The following CCDC73 variants were observed in gnomAD, a reference collection of about 807,000 sequenced individuals.
CCDC73 encodes coiled-coil domain-containing protein 73.
In CCDC73, 95 loss-of-function variants were observed where a neutral mutation model predicts 116.5. The observed-to-expected ratio is 0.82, with a 90% CI of 0.69 to 0.97. The LOEUF (loss-of-function observed/expected upper bound fraction) is 0.97, where lower values mean the gene tolerates loss of function less well. CCDC73 is among the 50% of genes least tolerant of loss of function. CCDC73 has a pLI of 0.00. For missense variants in CCDC73, 1,066 were observed against 1,206.8 expected (o/e 0.88, Z 1.73); for synonymous variants, 398 against 401.3 (o/e 0.99, Z 0.10).
intron 2 of CCDC73, among the ~76,000 whole-genome samples, chr11:32,730,074 T>C (rs977378018): frequency 1.3e-5 from 2 of 152,246 alleles, no homozygotes; most frequent in African/African-American, 4.8e-5. Flanking sequence ...ATTTTCATAG[T>C]ATAAATTCCA....
intron 1 of CCDC73, among the ~76,000 whole-genome samples, chr11:32,761,673 C>T (rs34345811): frequency 6.6e-6 from 1 of 152,034 alleles, no homozygotes; most frequent in South Asian, 2.1e-4. Context: ...TCCAGAGAAA[C>T]AGAATAGGAT....
the CCDC73 span, among the ~76,000 whole-genome samples, chr11:32,812,922 C>T: frequency 2.0e-5 from 3 of 152,020 alleles, no homozygotes; most frequent in Admixed American, 6.6e-5. Context: ...AAACCACAGT[C>T]GAATACCTAT....
chr11:32,713,835 G>C (rs1384948365), intron 3 of CCDC73, among the ~76,000 whole-genome samples: 2 of 152,020 alleles, frequency 1.3e-5, no homozygotes, highest in Non-Finnish European at 2.9e-5. Context: ...CTGGTGTACA[G>C]CTGTCATTAG....
At chr11:32,736,996 A>G (rs1035349474) in intron 2 of CCDC73, among the ~76,000 whole-genome samples, 2 of 150,018 alleles carry the variant, frequency 1.3e-5, no homozygotes, top group East Asian at 3.9e-4. Context: ...ATATATGTAT[A>G]TATATATATT....
intron 6 of CCDC73, among the ~76,000 whole-genome samples, chr11:32,695,820 T>A (rs866989140): frequency 3.5e-4 from 52 of 149,762 alleles, no homozygotes; most frequent in African/African-American, 1.3e-3. Flanking sequence ...GCGTTTAAGT[T>A]TTTTTTTTGT....
chr11:32,744,720 A>G (rs570859470), intron 2 of CCDC73, among the ~76,000 whole-genome samples: 40 of 152,176 alleles, frequency 2.6e-4, no homozygotes, highest in African/African-American at 7.5e-4. Context: ...ATTCTCTGAC[A>G]GTAGTTTGTA....
intron 12 of CCDC73, among the ~76,000 whole-genome samples, chr11:32,649,256 T>C (rs1855806032): frequency 6.6e-6 from 1 of 152,224 alleles, no homozygotes; most frequent in Non-Finnish European, 1.5e-5. Flanking sequence ...TTGCTAATGC[T>C]TTAATCTTCC....
At chr11:32,776,648 T>C (rs1590642557) in intron 1 of CCDC73, among the ~76,000 whole-genome samples, 2 of 152,056 alleles carry the variant, frequency 1.3e-5, no homozygotes, top group African/African-American at 4.8e-5. Context: ...CCCTTCCATT[T>C]TCTAAATCCA....
At chr11:32,669,071 C>T (rs1488396536) in intron 9 of CCDC73, among the ~76,000 whole-genome samples, 1 of 151,876 alleles carries the variant, frequency 6.6e-6, no homozygotes, top group African/African-American at 2.4e-5. Flanking sequence ...GAAAAATATT[C>T]AAAAACATGA....
At chr11:32,655,006 T>C (rs748425289) in intron 9 of CCDC73, 34 bp from the exon 10 acceptor site, 6 of 1,552,638 alleles carry the variant, frequency 3.9e-6, no homozygotes, top group Non-Finnish European at 3.5e-6. Context: ...GAAAATTCAG[T>C]ACACATATTT....
At chr11:32,683,259 A>G (rs1856164413) in intron 7 of CCDC73, 3 of 388,612 alleles carry the variant, frequency 7.7e-6, no homozygotes, top group Admixed American at 4.3e-5. Flanking sequence ...TTGACACTCA[A>G]AAAGTTTCCA....
rs200764449 is a variant in CCDC73, at chr11:32,735,038, T to C, written c.136-16891A>G. ...TGTATCTCAAAATAATAAGAGCTAT[T>C]TATGACAAACCCACAGCCAATATCA... On this transcript the variant is annotated intron_variant, in intron 2 of 17. Transcript: ENST00000335185. 1.3e-4 allele frequency among the ~76,000 whole-genome samples: 20 copies of C among 152,282 alleles called. No individual in the cohort carries two copies. The East Asian group carries it at 3.7e-3, about 28-fold the overall frequency.
chr11:32,686,290 G>A (rs968763002), intron 6 of CCDC73, among the ~76,000 whole-genome samples: 1 of 148,002 alleles, frequency 6.8e-6, no homozygotes, highest in Non-Finnish European at 1.5e-5. Flanking sequence ...AAATAAGCCA[G>A]TTTTCAGGAG....
At chr11:32,743,531 A>AGTG (rs71063754) in intron 2 of CCDC73, among the ~76,000 whole-genome samples, 86,431 of 151,660 alleles carry the variant, frequency 0.57, 24,994 homozygotes, top group East Asian at 0.84. Context: ...CATTTAAAGC[A>AGTG]GTGTATAGAG....
intron 14 of CCDC73, among the ~76,000 whole-genome samples, chr11:32,621,769 A>C (rs1855524777): frequency 1.3e-5 from 2 of 152,226 alleles, no homozygotes; most frequent in African/African-American, 4.8e-5. Context: ...TCTACCTGAC[A>C]AATGGCTAAT....
intron 12 of CCDC73, among the ~76,000 whole-genome samples, chr11:32,645,291 C>CTT (rs397689348): frequency 0.014 from 1,729 of 120,966 alleles, 35 homozygotes; most frequent in African/African-American, 0.027. Flanking sequence ...TTTTCTTTTT[C>CTT]TTTTTTTTTT....
chr11:32,631,575 G>A (rs889677685), intron 14 of CCDC73, among the ~76,000 whole-genome samples: 2 of 83,174 alleles, frequency 2.4e-5, no homozygotes, highest in African/African-American at 7.1e-5. Flanking sequence ...ACCTCATCAG[G>A]AAAGGAAGGA....
chr11:32,716,068 T>G (rs1302655183), intron 3 of CCDC73, among the ~76,000 whole-genome samples: 1 of 152,140 alleles, frequency 6.6e-6, no homozygotes, highest in East Asian at 1.9e-4. Flanking sequence ...TAAGACTCTG[T>G]AAAAGTAGTG....
chr11:32,789,997 G>T (rs1850661452), intron 1 of CCDC73, among the ~76,000 whole-genome samples: 1 of 152,044 alleles, frequency 6.6e-6, no homozygotes, highest in South Asian at 2.1e-4. Flanking sequence ...TTAGATAAGG[G>T]TATTTTAGAG....
Sources: allele counts gnomAD v4.1 joint callset (sites outside exome capture counted in the v4.1 genomes callset), GRCh38; gene constraint gnomAD v4.1.1; transcripts MANE v1.5; gene names NCBI Gene and HGNC (gene_info 2026-07-23, HGNC 2026-07-21).